Variants in MYO3B observed in about 807,000 individuals in gnomAD.
The protein encoded by MYO3B is myosin-IIIb.
A neutral mutation model predicts 174.6 loss-of-function variants in MYO3B; 156 were observed. That is an observed-to-expected ratio of 0.89 (90% CI 0.78 to 1.02). The LOEUF (loss-of-function observed/expected upper bound fraction) is 1.02, where lower values mean the gene tolerates loss of function less well. Ranked by LOEUF, MYO3B falls within the 50% of genes least tolerant of loss-of-function variation. The pLI is 0.00. For missense variants in MYO3B, 1,632 were observed against 1,639.4 expected (o/e 1.00, Z 0.08); for synonymous variants, 563 against 569.1 (o/e 0.99, Z 0.15).
chr2:170,506,219 A>G (rs1687612956), intron 28 of MYO3B, among the ~76,000 whole-genome samples: 1 of 152,256 alleles, frequency 6.6e-6, no homozygotes. Context: ...CTACCAGAAG[A>G]GAAAGCAAAC....
Position 170,510,855 on chromosome 2 carries a change from G to A in MYO3B, c.3371-4066G>A, listed in dbSNP as rs924421723. 3.3e-5 allele frequency among the ~76,000 whole-genome samples: 5 copies of A among 152,068 alleles called. No individual in the cohort carries two copies. The South Asian group carries it at 1.0e-3, about 32-fold the overall frequency. On this transcript the variant is annotated intron_variant, in intron 28 of 34. Transcript: ENST00000408978. ...ATACAGCGTGAAACTTTTGAGTCTGGCTTTTTTCACTTAGCATAATGCTTC... is the reference window on the plus strand; with the variant it reads ...ATACAGCGTGAAACTTTTGAGTCTGACTTTTTTCACTTAGCATAATGCTTC...
intron 28 of MYO3B, among the ~76,000 whole-genome samples, chr2:170,504,385 A>T (rs986184853): frequency 9.9e-5 from 15 of 152,166 alleles, no homozygotes; most frequent in African/African-American, 3.6e-4. Context: ...CATTTGGCCT[A>T]CATGTTGCTA....
chr2:170,348,114 A>G (rs1243128434), intron 8 of MYO3B: 1 of 152,252 alleles, frequency 6.6e-6, no homozygotes, highest in African/African-American at 2.4e-5. Context: ...GCAACATAGC[A>G]AGACATTATT....
intron 32 of MYO3B, among the ~76,000 whole-genome samples, chr2:170,588,494 G>A (rs1410036370): frequency 6.6e-6 from 1 of 152,128 alleles, no homozygotes; most frequent in African/African-American, 2.4e-5. Flanking sequence ...TAAGAAGTCA[G>A]GGTTGACTCA....
chr2:170,382,939 T>C, intron 10 of MYO3B, 134 bp from the exon 11 acceptor site: 1 of 626,458 alleles, frequency 1.6e-6, no homozygotes, highest in Non-Finnish European at 2.8e-6. Flanking sequence ...ATTAGGGTCA[T>C]TGTATGATTT....
chr2:170,449,459 C>T (rs892041044), intron 23 of MYO3B, among the ~76,000 whole-genome samples: 1 of 152,086 alleles, frequency 6.6e-6, no homozygotes, highest in Non-Finnish European at 1.5e-5. Context: ...TACTCAATTG[C>T]TAAATGTTCT....
intron 32 of MYO3B, among the ~76,000 whole-genome samples, chr2:170,556,926 A>G (rs996248245): frequency 1.3e-5 from 2 of 152,160 alleles, no homozygotes; most frequent in African/African-American, 4.8e-5. Flanking sequence ...TTTCTTTCAC[A>G]TGCTTATTTG....
chr2:170,220,368 C>T (rs150517527), intron 6 of MYO3B, among the ~76,000 whole-genome samples: 4,962 of 150,724 alleles, frequency 0.033, 292 homozygotes, highest in East Asian at 0.3. Context: ...CGGTGGCTCA[C>T]GCCTGTAATC....
intron 28 of MYO3B, among the ~76,000 whole-genome samples, chr2:170,502,279 C>T (rs903806464): frequency 2.0e-5 from 3 of 152,150 alleles, no homozygotes; most frequent in African/African-American, 4.8e-5. Flanking sequence ...ATATGTCCCT[C>T]GTCTGTTAAA....
intron 32 of MYO3B, among the ~76,000 whole-genome samples, chr2:170,600,520 A>G (rs762231404): frequency 2.0e-5 from 3 of 152,106 alleles, no homozygotes; most frequent in Non-Finnish European, 4.4e-5. Flanking sequence ...GCAAACCATA[A>G]TATGGGAAAA....
Position 170,445,563 on chromosome 2 carries a change from A to G in MYO3B, c.2730+1517A>G, listed in dbSNP as rs552879190. On this transcript the variant is annotated intron_variant, in intron 23 of 34. Transcript: ENST00000408978. ...TCCATGTTGGTCAGGCTGGTCTCCA[A>G]CTCCCGACCTCAGGTGATCCGCCCA... is the stretch of plus-strand genomic sequence containing the variant. Among the ~76,000 whole-genome samples, 4 of 151,566 alleles carry G rather than the reference A, an allele frequency of 2.6e-5. No homozygotes were observed. In the South Asian group the frequency reaches 8.3e-4, roughly 32 times the overall value.
At chr2:170,362,648 C>A (rs569315232) in intron 8 of MYO3B, among the ~76,000 whole-genome samples, 50 of 152,294 alleles carry the variant, frequency 3.3e-4, no homozygotes, top group Non-Finnish European at 6.0e-4. Context: ...GTAATGCACT[C>A]CCAGTTCTCA....
intron 9 of MYO3B, among the ~76,000 whole-genome samples, chr2:170,378,812 G>A (rs1042524635): frequency 6.6e-6 from 1 of 152,144 alleles, no homozygotes; most frequent in Non-Finnish European, 1.5e-5. Flanking sequence ...GTGAAGCTTG[G>A]CATTTCTGTA....
chr2:170,477,788 G>A (rs532346225), intron 25 of MYO3B, among the ~76,000 whole-genome samples: 6 of 151,456 alleles, frequency 4.0e-5, no homozygotes, highest in East Asian at 1.9e-4. Context: ...AGGGGGAGGC[G>A]GGGAATTACC....
chr2:170,506,181 A>G (rs1816672), intron 28 of MYO3B, among the ~76,000 whole-genome samples: 151,020 of 152,354 alleles, frequency 0.99, 74,858 homozygotes, highest in East Asian at 1. Context: ...CATGTGATGC[A>G]TGCAGAGCAG....
chr2:170,510,543 T>C (rs757642698), intron 28 of MYO3B, among the ~76,000 whole-genome samples: 2 of 152,184 alleles, frequency 1.3e-5, no homozygotes, highest in Non-Finnish European at 1.5e-5. Flanking sequence ...TCATGTCCAT[T>C]CAGAACCTCA....
chr2:170,456,839 A>G (rs1261158298), intron 23 of MYO3B, among the ~76,000 whole-genome samples: 1 of 152,240 alleles, frequency 6.6e-6, no homozygotes. Context: ...TAATAAAGTG[A>G]TATATTCTGA....
At chr2:170,241,288 G>A (rs538173077) in intron 7 of MYO3B, among the ~76,000 whole-genome samples, 25 of 152,292 alleles carry the variant, frequency 1.6e-4, no homozygotes, top group African/African-American at 5.8e-4. Context: ...TACTTTGGAT[G>A]CATTATTAGA....
chr2:170,466,426 G>A (rs1684634291), intron 24 of MYO3B, 80 bp from the exon 25 acceptor site: 1 of 1,336,384 alleles, frequency 7.5e-7, no homozygotes, highest in Non-Finnish European at 1.1e-6. Context: ...AACTGCTCCA[G>A]AGGCTTCTGC....
Sources: allele counts gnomAD v4.1 joint callset (sites outside exome capture counted in the v4.1 genomes callset), GRCh38; gene constraint gnomAD v4.1.1; transcripts MANE v1.5; gene names NCBI Gene and HGNC (gene_info 2026-07-23, HGNC 2026-07-21).